The following CEMIP variants were observed in gnomAD, a reference collection of about 807,000 sequenced individuals.
CEMIP encodes cell migration-inducing and hyaluronan-binding protein.
Under a neutral mutation model 156.9 loss-of-function variants are expected in CEMIP, and 105 were observed. That is an observed-to-expected ratio of 0.67 (90% CI 0.57 to 0.79). The LOEUF (loss-of-function observed/expected upper bound fraction) is 0.79. Among genes scored for constraint, CEMIP ranks in the 30% least tolerant of loss-of-function variants. The probability of loss-of-function intolerance (pLI) is 0.00; values close to 1 mark genes in which losing one functional copy is unlikely to be tolerated. For synonymous variants in CEMIP, 676 were observed against 668.4 expected (o/e 1.01, Z -0.17); for missense variants, 1,457 against 1,769.4 (o/e 0.82, Z 3.17).
chr15:80,862,818 A>C (rs930751361), intron 1 of CEMIP, among the ~76,000 whole-genome samples: 2 of 152,222 alleles, frequency 1.3e-5, no homozygotes. Context: ...ACCCGTGGGG[A>C]GTCCCAGAAA....
chr15:80,948,636 T>C, intron 29 of CEMIP, 161 bp from the exon 30 acceptor site: 2 of 932,870 alleles, frequency 2.1e-6, no homozygotes, highest in South Asian at 1.3e-5. Flanking sequence ...TCAGGCACCA[T>C]CAGTAGCTGA....
At chr15:80,856,764 A>T (rs1897861611) in intron 1 of CEMIP, among the ~76,000 whole-genome samples, 1 of 152,168 alleles carries the variant, frequency 6.6e-6, no homozygotes, top group Admixed American at 6.5e-5. Flanking sequence ...GTCTCCCAGG[A>T]CTAGAACCTA....
At chr15:80,841,273 G>A (rs188957839) in intron 1 of CEMIP, among the ~76,000 whole-genome samples, 249 of 152,268 alleles carry the variant, frequency 1.6e-3, no homozygotes, top group African/African-American at 5.5e-3. Context: ...GGCCAGACTC[G>A]GTCCCTAGGC....
At chr15:80,911,200 C>T (rs1399257395) in intron 14 of CEMIP, among the ~76,000 whole-genome samples, 1 of 152,146 alleles carries the variant, frequency 6.6e-6, no homozygotes, top group African/African-American at 2.4e-5. Context: ...GGGTGCAGGT[C>T]TCAGGTCTGT....
chr15:80,840,754 C>T (rs1173156620), intron 1 of CEMIP, among the ~76,000 whole-genome samples: 1 of 152,164 alleles, frequency 6.6e-6, no homozygotes, highest in East Asian at 1.9e-4. Context: ...GGACCACTGC[C>T]GCCTGAGAGG....
rs750599471 is a variant in CEMIP, at chr15:80,922,109, A to G, written c.2174A>G (p.Tyr725Cys). The change falls in exon 17 of 30, where the codon TAT becomes TGT. Residue 725 changes from tyrosine (Y) to cysteine (C), a missense_variant. Tyr to Cys is a radical substitution (Grantham distance 194, BLOSUM62 -2). Coordinates refer to ENST00000394685, the MANE Select transcript of CEMIP (RefSeq NM_001293298.2). ...GAGCACATTCCACTGGGAAAATTCTATAACAACCGAGCACATTCCAACTAC... is the reference window on the plus strand; with the variant it reads ...GAGCACATTCCACTGGGAAAATTCTGTAACAACCGAGCACATTCCAACTAC... ...YSEHIPLGKF[Y>C]NNRAHSNYRA... 2.0e-5 allele frequency: 33 copies of G among 1,614,252 alleles called. 2 individuals carry two copies. In the South Asian group the frequency reaches 3.3e-4, roughly 16 times the overall value.
intron 24 of CEMIP, 130 bp from the exon 25 acceptor site, chr15:80,937,664 C>A: frequency 1.2e-6 from 1 of 829,766 alleles, no homozygotes; most frequent in Middle Eastern, 2.3e-4. Flanking sequence ...AATGTGCTTT[C>A]AAAATTTCCC....
chr15:80,784,133 G>A (rs984195040), intron 1 of CEMIP, among the ~76,000 whole-genome samples: 1 of 152,156 alleles, frequency 6.6e-6, no homozygotes, highest in African/African-American at 2.4e-5. Flanking sequence ...CTTCTGGAAG[G>A]GCAGTCATAT....
intron 1 of CEMIP, among the ~76,000 whole-genome samples, chr15:80,788,982 G>T (rs1427266356): frequency 6.6e-6 from 1 of 151,868 alleles, no homozygotes. Context: ...GCTAATTTTG[G>T]TTTTTAAAGT....
chr15:80,868,958 AAGT>A (rs528320121), intron 1 of CEMIP, among the ~76,000 whole-genome samples: 117 of 152,330 alleles, frequency 7.7e-4, no homozygotes, highest in African/African-American at 2.7e-3. Context: ...TGCCATAACA[AAGT>A]AGCACGGACT....
chr15:80,809,032 C>T (rs1896588608), intron 1 of CEMIP, among the ~76,000 whole-genome samples: 1 of 152,132 alleles, frequency 6.6e-6, no homozygotes, highest in South Asian at 2.1e-4. Flanking sequence ...TCTTACATTA[C>T]CTACTTGTGG....
intron 1 of CEMIP, among the ~76,000 whole-genome samples, chr15:80,790,306 G>A (rs1451491046): frequency 6.6e-6 from 1 of 152,194 alleles, no homozygotes; most frequent in Non-Finnish European, 1.5e-5. Flanking sequence ...TACATTTGAT[G>A]TTCACTCTTG....
chr15:80,887,809 C>G, intron 8 of CEMIP, 45 bp downstream of exon 8: 1 of 1,478,016 alleles, frequency 6.8e-7, no homozygotes, highest in Non-Finnish European at 9.4e-7. Flanking sequence ...CAGTGTCTCT[C>G]TGATCAAGAG....
Position 80,878,756 on chromosome 15 carries a change from C to CAACCCTGG in CEMIP, c.139_146dup (p.His50ThrfsTer54). ...GTGCCCTGACCAGAGCCCTGAGTTG[C>CAACCCTGG]AACCCTGGAACCCTGGCCATGACCA... On this transcript the variant is annotated frameshift_variant, in exon 4 of 30. Transcript: ENST00000394685. LOFTEE classifies it high-confidence loss of function. The CAACCCTGG allele has an allele frequency of 1.2e-6, 2 of 1,614,168 alleles. No individual in the cohort carries two copies. The highest frequency in any genetic ancestry group is 1.7e-6 in the Non-Finnish European group (2 of 1,180,030).
intron 6 of CEMIP, among the ~76,000 whole-genome samples, chr15:80,883,261 C>T (rs1284352121): frequency 2.0e-5 from 3 of 152,074 alleles, no homozygotes; most frequent in Non-Finnish European, 4.4e-5. Flanking sequence ...TGTGTCTTTG[C>T]TTTGTAAATT....
intron 1 of CEMIP, among the ~76,000 whole-genome samples, chr15:80,797,177 C>G (rs1029829454): frequency 1.3e-5 from 2 of 152,258 alleles, no homozygotes; most frequent in East Asian, 1.9e-4. Context: ...GCACAGCAAC[C>G]TGTGATTGTC....
chr15:80,803,041 T>A (rs1233307136), intron 1 of CEMIP, among the ~76,000 whole-genome samples: 2 of 152,194 alleles, frequency 1.3e-5, no homozygotes, highest in Non-Finnish European at 2.9e-5. Context: ...CCAGCATGGT[T>A]GGGCTCTGGA....
At chr15:80,782,807 T>C (rs8037774) in intron 1 of CEMIP, among the ~76,000 whole-genome samples, 1 of 152,214 alleles carries the variant, frequency 6.6e-6, no homozygotes, top group South Asian at 2.1e-4. Context: ...GCTGGTGACA[T>C]GAACAGAGCA....
intron 1 of CEMIP, among the ~76,000 whole-genome samples, chr15:80,862,932 C>T (rs967240419): frequency 1.3e-5 from 2 of 152,206 alleles, no homozygotes; most frequent in African/African-American, 2.4e-5. Flanking sequence ...AAACTGGGAA[C>T]TTGGCTTACC....
Sources: allele counts gnomAD v4.1 joint callset (sites outside exome capture counted in the v4.1 genomes callset), GRCh38; gene constraint gnomAD v4.1.1; transcripts MANE v1.5; gene names NCBI Gene and HGNC (gene_info 2026-07-23, HGNC 2026-07-21).